SMIM36: variants seen among roughly 807,000 people sequenced by gnomAD.
SMIM36 encodes the protein small integral membrane protein 36.
intron 4 of SMIM36, among the ~76,000 whole-genome samples, chr17:55,459,292 T>C (rs1319738830): frequency 1.3e-5 from 2 of 152,244 alleles, no homozygotes; most frequent in African/African-American, 2.4e-5. Context: ...CTAGGTGACC[T>C]GGGCTTGAGT....
intron 1 of SMIM36, among the ~76,000 whole-genome samples, chr17:55,494,488 A>G (rs1310813868): frequency 6.6e-6 from 1 of 152,178 alleles, no homozygotes; most frequent in African/African-American, 2.4e-5. Context: ...AGATGGGGGA[A>G]GATTGGAGGT....
chr17:55,521,571 C>A, the SMIM36 span, among the ~76,000 whole-genome samples: 13,756 of 152,198 alleles, frequency 0.09, 930 homozygotes, highest in East Asian at 0.22. Context: ...TCTACTTTAT[C>A]TTTCTCTAGT....
the SMIM36 span, chr17:55,527,758 A>G: frequency 6.6e-6 from 1 of 152,184 alleles, no homozygotes; most frequent in East Asian, 1.9e-4. Flanking sequence ...CTTGTAGTCC[A>G]TTTTACAGTC....
At chr17:55,467,526 AGCTGGGACTACAGGC>A (rs1384400665) in intron 3 of SMIM36, among the ~76,000 whole-genome samples, 198 bp from the exon 4 acceptor site, 1 of 151,762 alleles carries the variant, frequency 6.6e-6, no homozygotes, top group African/African-American at 2.4e-5. Flanking sequence ...CCTCCCAAGT[AGCTGGGACTACAGGC>A]GCCGGCCACC....
At chr17:55,486,570 G>C (rs1364603243) in intron 1 of SMIM36, among the ~76,000 whole-genome samples, 1 of 152,148 alleles carries the variant, frequency 6.6e-6, no homozygotes, top group Non-Finnish European at 1.5e-5. Flanking sequence ...TGTGGGTCTG[G>C]GTTGGGGCCT....
the SMIM36 span, among the ~76,000 whole-genome samples, chr17:55,518,407 C>G: frequency 1.3e-5 from 2 of 152,178 alleles, no homozygotes. Context: ...CTTTGGGGAA[C>G]ACTATTCAAA....
exon 1 of SMIM36, chr17:55,511,237 A>T: frequency 2.5e-6 from 1 of 398,668 alleles, no homozygotes; most frequent in Non-Finnish European, 4.4e-6. Flanking sequence ...GTCGTATAGC[A>T]CGCAGGAGAT....
chr17:55,459,066 C>CT (rs1393514885), intron 4 of SMIM36, among the ~76,000 whole-genome samples: 2 of 152,186 alleles, frequency 1.3e-5, no homozygotes, highest in African/African-American at 4.8e-5. Flanking sequence ...CCCCTATACA[C>CT]TACTAACATT....
chr17:55,458,446 G>C (rs945334284), intron 4 of SMIM36: 1 of 152,200 alleles, frequency 6.6e-6, no homozygotes, highest in Non-Finnish European at 1.5e-5. Flanking sequence ...GTGGTCCCTT[G>C]TTAGGGATCC....
chr17:55,488,378 G>C (rs1243777435), intron 1 of SMIM36, among the ~76,000 whole-genome samples: 1 of 152,198 alleles, frequency 6.6e-6, no homozygotes, highest in Non-Finnish European at 1.5e-5. Context: ...ACAACTAATA[G>C]AGATTCATTG....
chr17:55,507,766 C>G (rs1910103698), intron 1 of SMIM36, among the ~76,000 whole-genome samples: 1 of 151,482 alleles, frequency 6.6e-6, no homozygotes, highest in Non-Finnish European at 1.5e-5. Flanking sequence ...GGTAAAAAGA[C>G]CACTGGCTTT....
the SMIM36 span, among the ~76,000 whole-genome samples, chr17:55,520,286 T>C: frequency 6.6e-6 from 1 of 152,204 alleles, no homozygotes. Flanking sequence ...CTCAAGTATG[T>C]AGTAGGCACA....
chr17:55,455,769 G>C (rs1338108497), intron 4 of SMIM36, among the ~76,000 whole-genome samples: 1 of 151,974 alleles, frequency 6.6e-6, no homozygotes, highest in East Asian at 1.9e-4. Flanking sequence ...CTCCAGCCTG[G>C]GTGACAGAAG....
chr17:55,515,008 G>A (rs1404960930), upstream of SMIM36, among the ~76,000 whole-genome samples: 4 of 150,126 alleles, frequency 2.7e-5, no homozygotes, highest in Admixed American at 6.7e-5. Context: ...GCACAGGGAC[G>A]TGACTTTCTC....
At chr17:55,489,296 T>C in intron 1 of SMIM36, among the ~76,000 whole-genome samples, 1 of 152,080 alleles carries the variant, frequency 6.6e-6, no homozygotes, top group Non-Finnish European at 1.5e-5. Flanking sequence ...GAGAATCGCT[T>C]GAACCTGGGA....
intron 1 of SMIM36, among the ~76,000 whole-genome samples, chr17:55,494,831 T>A (rs1312669858): frequency 6.6e-6 from 1 of 152,074 alleles, no homozygotes; most frequent in Non-Finnish European, 1.5e-5. Flanking sequence ...CACACACAAG[T>A]ACTAAAATTA....
At chr17:55,524,348 G>A in the SMIM36 span, among the ~76,000 whole-genome samples, 8 of 152,050 alleles carry the variant, frequency 5.3e-5, no homozygotes, top group Admixed American at 6.6e-5. Flanking sequence ...GTGATTCCAC[G>A]TCTTTGCTAT....
intron 4 of SMIM36, among the ~76,000 whole-genome samples, chr17:55,451,940 T>C (rs1908925922): frequency 6.6e-6 from 1 of 151,654 alleles, no homozygotes; most frequent in South Asian, 2.1e-4. Flanking sequence ...CCACAAAAAA[T>C]AAAAAGATTT....
At chr17:55,468,812 C>T (rs891586372) in intron 3 of SMIM36, among the ~76,000 whole-genome samples, 1 of 152,148 alleles carries the variant, frequency 6.6e-6, no homozygotes, top group Admixed American at 6.5e-5. Context: ...TGACCTAAAA[C>T]CTAAATGTCT....
Sources: allele counts gnomAD v4.1 joint callset (sites outside exome capture counted in the v4.1 genomes callset), GRCh38; gene constraint gnomAD v4.1.1; transcripts MANE v1.5; gene names NCBI Gene and HGNC (gene_info 2026-07-23, HGNC 2026-07-21).